Variants in LTBR observed in about 807,000 individuals in gnomAD.
LTBR encodes tumor necrosis factor receptor superfamily member 3.
In LTBR, 15 loss-of-function variants were observed where a neutral mutation model predicts 45.4. That is an observed-to-expected ratio of 0.33 (90% CI 0.22 to 0.51). LTBR has a LOEUF of 0.51. Ranked by LOEUF, LTBR falls within the 20% of genes least tolerant of loss-of-function variation. LTBR has a pLI of 0.97. For missense variants in LTBR, 450 were observed against 565.5 expected, an observed-to-expected ratio of 0.80 and a Z score of 2.07; for synonymous variants, 228 against 231.0, an observed-to-expected ratio of 0.99 and a Z score of 0.12.
Position 6,388,658 on chromosome 12 carries a change from G to A in LTBR, c.776-142G>A. On this transcript the variant is annotated intron_variant, in intron 7 of 9. Transcript: ENST00000228918. The surrounding 1 kb of genome is among the most constrained non-coding windows in gnomAD (Gnocchi z 4.3). ...TCTTCATCCAGCTGCTTATTCTGAGGCTGGAGATGAGAGTGACAGTGGCTT... is the reference window on the plus strand; with the variant it reads ...TCTTCATCCAGCTGCTTATTCTGAGACTGGAGATGAGAGTGACAGTGGCTT... The A allele has an allele frequency of 8.6e-7, 1 of 1,157,088 alleles. No individual in the cohort carries two copies. The allele number at this position is 1,157,088 out of a possible 1,614,324, so 71.7% of individuals were successfully genotyped here. A position where few individuals can be genotyped will look rare whatever the true frequency, so the allele number is the denominator to read the frequency against.
rs750574965 is a variant in LTBR at position 6,390,158 on chromosome 12, C to A, written c.848C>A (p.Ala283Asp). The change falls in exon 9 of 10, where the codon GCC (alanine) becomes GAC (aspartate). Residue 283 changes from alanine (A) to aspartate (D), a missense_variant. By Grantham distance (126) the Ala-to-Asp change is moderately radical. Coordinates refer to ENST00000228918, the MANE Select transcript of LTBR (RefSeq NM_002342.3). ...PVAGSWEPPK[A>D]HPYFPDLVQP... ...GCTGGAAGCTGGGAGCCTCCGAAGG[C>A]CCATCCATACTTCCCTGACTTGGTA... 2.9e-5 allele frequency: 47 copies of A among 1,613,958 alleles called. No individual in the cohort carries two copies. The highest frequency in any genetic ancestry group is 5.3e-5 in the African/African-American group (4 of 74,890).
chr12:6,378,139 G>C (rs1948938782), intron 1 of LTBR, among the ~76,000 whole-genome samples: 1 of 152,184 alleles, frequency 6.6e-6, no homozygotes, highest in African/African-American at 2.4e-5. Context: ...CCTCCCCAAA[G>C]GGGAGCCACC....
rs922513092 is a variant in LTBR at position 6,386,006 on chromosome 12, C to T, written c.473-60C>T. 31 of 1,192,402 alleles carry T rather than the reference C, an allele frequency of 2.6e-5. No individual in the cohort carries two copies. Among genetic ancestry groups the T allele is most frequent in the Non-Finnish European group, 3.8e-5 (30 of 798,816 alleles). The allele number at this position is 1,192,402 out of a possible 1,614,324, so 73.9% of individuals were successfully genotyped here. ...TGAGGCTTAAAGGAAACTCACAGGC[C>T]GGCAAAGGGCCCCTCCCTTTTGCCC... is the stretch of plus-strand genomic sequence containing the variant. On this transcript the variant is annotated intron_variant, in intron 4 of 9. Coordinates refer to ENST00000228918, the MANE Select transcript of LTBR (RefSeq NM_002342.3). The surrounding 1 kb of genome is among the most constrained non-coding windows in gnomAD (Gnocchi z 4.1).
At chr12:6,375,654 G>A in intron 1 of LTBR, 1 of 1,481,994 alleles carries the variant, frequency 6.7e-7, no homozygotes, top group Non-Finnish European at 8.9e-7. Flanking sequence ...TCCGAAGGAA[G>A]GAGGGCTCCC....
At chr12:6,375,601 AG>A in intron 1 of LTBR, 3 of 1,067,798 alleles carry the variant, frequency 2.8e-6, no homozygotes, top group Non-Finnish European at 4.0e-6. Flanking sequence ...AAAGGTGAGC[AG>A]GGCGGGGGGA....
At chr12:6,382,472 A>G (rs746866554), upstream of LTBR, among the ~76,000 whole-genome samples, 2 of 152,238 alleles carry the variant, frequency 1.3e-5, no homozygotes, top group Non-Finnish European at 2.9e-5. Context: ...CGCTACACAC[A>G]CATTCCTTTA....
chr12:6,375,684 G>T, intron 1 of LTBR: 1 of 1,449,820 alleles, frequency 6.9e-7, no homozygotes, highest in Non-Finnish European at 9.1e-7. Flanking sequence ...TGAACTGGGA[G>T]TACTGGACCT....
At chr12:6,376,002 G>A in intron 1 of LTBR, 1 of 1,004,232 alleles carries the variant, frequency 1.0e-6, no homozygotes, top group Non-Finnish European at 1.2e-6. Context: ...GAAGGAGCCA[G>A]CACCAAAGGG....
Position 6,385,004 on chromosome 12 carries a change from G to A in LTBR, c.194-18G>A. ...GAGCCTCGTCTCCTGAGGCTCTACT[G>A]CTCCACTCACGTTCTAGGCACCTAT... On this transcript the variant is annotated intron_variant, in intron 2 of 9. Coordinates refer to ENST00000228918, the MANE Select transcript of LTBR (RefSeq NM_002342.3). 6.2e-7 allele frequency: 1 copy of A among 1,614,080 alleles called. No homozygotes were observed. Among genetic ancestry groups the A allele is most frequent in the Non-Finnish European group, 8.5e-7 (1 of 1,180,024 alleles).
In LTBR at chr12:6,384,392, C is replaced by A; in HGVS notation, c.34C>A (p.Leu12Met). Residue 12 changes from leucine (L) to methionine (M), a missense_variant, in exon 1 of 10, where the codon CTG (leucine) becomes ATG (methionine). Leu to Met is a conservative substitution (Grantham distance 15). Coordinates refer to ENST00000228918, the MANE Select transcript of LTBR (RefSeq NM_002342.3). ...LLPWATSAPGLAWGPLVLGLF... is the reference protein window; with the variant it reads ...LLPWATSAPGMAWGPLVLGLF... ...GCCTTGGGCCACCTCTGCCCCCGGC[C>A]TGGCCTGGGGGCCTCTGGTGCTGGG... is the stretch of plus-strand genomic sequence containing the variant. 1 of 1,538,806 alleles carries A rather than the reference C, an allele frequency of 6.5e-7. No homozygotes were observed. Among genetic ancestry groups the A allele is most frequent in the East Asian group, 2.4e-5 (1 of 41,028 alleles).
rs935711262 is a variant in LTBR, at chr12:6,379,016, G to A, written c.39+3422G>A. 5.3e-5 allele frequency among the ~76,000 whole-genome samples: 8 copies of A among 152,302 alleles called. No individual in the cohort carries two copies. The South Asian group carries it at 6.2e-4, about 12-fold the overall frequency. ...AGGGTCTTCCTGCCTCTTGTTCTCCGCGGACAGGAGATGACGGAAGTAATC... is the reference window on the plus strand; with the variant it reads ...AGGGTCTTCCTGCCTCTTGTTCTCCACGGACAGGAGATGACGGAAGTAATC... On this transcript the variant is annotated intron_variant, in intron 1 of 9. Coordinates refer to the LTBR transcript ENST00000539925.
intron 1 of LTBR, among the ~76,000 whole-genome samples, chr12:6,377,980 T>C (rs1948936843): frequency 6.6e-6 from 1 of 152,152 alleles, no homozygotes; most frequent in Non-Finnish European, 1.5e-5. Context: ...GTGAGGAAAA[T>C]AGAAATCTGA....
chr12:6,390,045 G>C, intron 8 of LTBR, 67 bp from the exon 9 acceptor site: 1 of 933,440 alleles, frequency 1.1e-6, no homozygotes, highest in Non-Finnish European at 1.8e-6. Flanking sequence ...AGAAGAGGGA[G>C]GGAGGGAGAG....
chr12:6,387,252 A>G (rs1406959820), intron 6 of LTBR: 1 of 152,224 alleles, frequency 6.6e-6, no homozygotes, highest in African/African-American at 2.4e-5. Flanking sequence ...ACATTGTGGT[A>G]TATATCCTCC....
rs72645143 is a variant in LTBR at position 6,376,051 on chromosome 12, A to C, written c.39+457A>C. Reference sequence around the variant, plus strand: ...GAAGGAGAGCAAGGGGGGAGTCCCAAGTGTGCTTCCAGGAGCTAGAGGCTC... The same window carrying C: ...GAAGGAGAGCAAGGGGGGAGTCCCACGTGTGCTTCCAGGAGCTAGAGGCTC... On this transcript the variant is annotated intron_variant, in intron 1 of 9. Coordinates refer to the LTBR transcript ENST00000539925. 46 of 993,216 alleles carry C rather than the reference A, an allele frequency of 4.6e-5. 1 individual carries two copies. The African/African-American group carries it at 8.0e-4, about 17-fold the overall frequency. The allele number at this position is 993,216 out of a possible 1,614,324, so 61.5% of individuals were successfully genotyped here. A position where few individuals can be genotyped will look rare whatever the true frequency, so the allele number is the denominator to read the frequency against.
At position 6,386,075 on chromosome 12, in the gene LTBR, G is replaced by T. The variant is rs780359208; in HGVS notation, c.482G>T (p.Gly161Val). The T allele has an allele frequency of 1.2e-6, 2 of 1,613,398 alleles. No individual in the cohort carries two copies. The highest frequency in any genetic ancestry group is 2.2e-5 in the South Asian group (2 of 91,050). Residue 161 changes from glycine (G) to valine (V), a missense_variant, in exon 5 of 10, where the codon GGG becomes GTG. Around this residue, in one of 3 missense-constraint regions of LTBR, gnomAD observed 367 missense variants for 435.4 expected, o/e 0.84. Transcript: ENST00000228918. This position sits in a 1 kb window ranked among gnomAD's most constrained non-coding sequence, Gnocchi z 4.1. ...GTEAELKDEV[G>V]KGNNHCVPCK... Reference sequence around the variant, plus strand: ...GCCTTTCTCTTGCCAGATGAAGTTGGGAAGGGTAACAACCACTGCGTCCCC... The same window carrying T: ...GCCTTTCTCTTGCCAGATGAAGTTGTGAAGGGTAACAACCACTGCGTCCCC...
chr12:6,380,192 T>C (rs1030604383), upstream of LTBR, among the ~76,000 whole-genome samples: 1 of 144,436 alleles, frequency 6.9e-6, no homozygotes, highest in African/African-American at 2.7e-5. Flanking sequence ...TATTGCCAAA[T>C]GACTTCTGGG....
intron 1 of LTBR, chr12:6,377,156 C>T (rs1362507535): frequency 9.8e-7 from 1 of 1,021,136 alleles, no homozygotes; most frequent in South Asian, 1.5e-5. Context: ...AGGGTCCAAC[C>T]TGGTCTGTGG....
In LTBR at chr12:6,386,270, C is replaced by T; in HGVS notation, c.570-77C>T. ...ACGGACTCGACTCACCACTTTCAGCCTCCCCGCCTGCCCAGTGGAGTCGGG... is the reference window on the plus strand; with the variant it reads ...ACGGACTCGACTCACCACTTTCAGCTTCCCCGCCTGCCCAGTGGAGTCGGG... On this transcript the variant is annotated intron_variant, in intron 5 of 9. Transcript: ENST00000228918. This position sits in a 1 kb window ranked among gnomAD's most constrained non-coding sequence, Gnocchi z 4.1. The T allele has an allele frequency of 6.7e-7, 1 of 1,492,740 alleles. No individual in the cohort carries two copies. Among genetic ancestry groups the T allele is most frequent in the Non-Finnish European group, 9.3e-7 (1 of 1,073,222 alleles). The allele number at this position is 1,492,740 out of a possible 1,614,324, so 92.5% of individuals were successfully genotyped here.
Sources: gnomAD v4.1 joint callset for allele counts (sites outside exome capture counted in the v4.1 genomes callset) on GRCh38, gnomAD v4.1.1 for gene constraint, gnomAD v4.1.1 regional missense constraint, Gnocchi (gnomAD v3.1) non-coding constraint, MANE v1.5 for transcripts, NCBI Gene and HGNC (gene_info 2026-07-23, HGNC 2026-07-21) for gene names.